Variants in RANBP2 observed in about 807,000 individuals in gnomAD.
RANBP2 encodes the protein RAN binding protein 2.
RANBP2 carries 57 observed loss-of-function variants against 303.6 expected under a neutral mutation model. The observed-to-expected ratio is 0.19, with a 90% CI of 0.15 to 0.23. The LOEUF (loss-of-function observed/expected upper bound fraction) is 0.23. Among genes scored for constraint, RANBP2 ranks in the 10% least tolerant of loss-of-function variants. The pLI is 1.00. For synonymous variants in RANBP2, 1,167 were observed against 1,301.5 expected (o/e 0.90, Z 2.23); for missense variants, 3,138 against 3,780.8 (o/e 0.83, Z 4.46).
the RANBP2 span, chr2:109,593,119 G>C: frequency 2.0e-5 from 32 of 1,590,066 alleles, no homozygotes; most frequent in Non-Finnish European, 2.7e-5. Flanking sequence ...GACTGAAAGA[G>C]CTAAAAAAGG....
the RANBP2 span, among the ~76,000 whole-genome samples, chr2:109,651,289 G>T: frequency 6.6e-6 from 1 of 152,118 alleles, no homozygotes; most frequent in African/African-American, 2.4e-5. Context: ...GCATCCTGTA[G>T]GGCTTGGCTC....
the RANBP2 span, among the ~76,000 whole-genome samples, chr2:109,360,004 C>T: frequency 1.3e-5 from 2 of 151,502 alleles, no homozygotes; most frequent in Non-Finnish European, 2.9e-5. Context: ...CAGAATGTTT[C>T]CTCATCCACA....
At chr2:109,154,907 C>G in the RANBP2 span, among the ~76,000 whole-genome samples, 3 of 152,336 alleles carry the variant, frequency 2.0e-5, no homozygotes, top group South Asian at 6.2e-4. Context: ...CTCAGGTGGC[C>G]TTTGGAGAGT....
chr2:109,129,498 G>A, the RANBP2 span: 5 of 1,495,254 alleles, frequency 3.3e-6, no homozygotes, highest in South Asian at 3.7e-5. Flanking sequence ...CGCCGGCCCC[G>A]GGACCTAGGC....
At chr2:109,294,642 A>G in the RANBP2 span, among the ~76,000 whole-genome samples, 2 of 151,190 alleles carry the variant, frequency 1.3e-5, no homozygotes, top group East Asian at 3.9e-4. Context: ...CTTCCATCTG[A>G]TCATCATAGG....
the RANBP2 span, among the ~76,000 whole-genome samples, chr2:109,215,910 C>T: frequency 6.6e-6 from 1 of 152,156 alleles, no homozygotes; most frequent in African/African-American, 2.4e-5. Context: ...CACAGAGCTG[C>T]GAATGTGGAA....
the RANBP2 span, among the ~76,000 whole-genome samples, chr2:108,891,549 T>C: frequency 6.6e-6 from 1 of 152,208 alleles, no homozygotes; most frequent in Non-Finnish European, 1.5e-5. Context: ...CTTCAGGCCC[T>C]AGTGATGACA....
At chr2:109,509,742 G>A in the RANBP2 span, among the ~76,000 whole-genome samples, 1 of 151,824 alleles carries the variant, frequency 6.6e-6, no homozygotes, top group Non-Finnish European at 1.5e-5. Flanking sequence ...GCCAGATTAG[G>A]CCCACCAATG....
the RANBP2 span, among the ~76,000 whole-genome samples, chr2:109,347,257 A>G: frequency 6.6e-6 from 1 of 152,174 alleles, no homozygotes; most frequent in Non-Finnish European, 1.5e-5. Flanking sequence ...TGAGTAAGAA[A>G]TTCCGAGCCC....
the RANBP2 span, among the ~76,000 whole-genome samples, chr2:109,368,180 T>C: frequency 1.3e-5 from 2 of 152,254 alleles, no homozygotes; most frequent in African/African-American, 4.8e-5. Flanking sequence ...TTTTAAGTCT[T>C]TATACAGTAA....
At chr2:108,736,056 T>G (rs1211328911) in intron 5 of RANBP2, 48 bp from the exon 6 acceptor site, 1 of 1,611,588 alleles carries the variant, frequency 6.2e-7, no homozygotes, top group South Asian at 1.1e-5. Context: ...GATTAATTTC[T>G]TAACATTTGA....
At chr2:109,291,354 A>G in the RANBP2 span, among the ~76,000 whole-genome samples, 32 of 142,454 alleles carry the variant, frequency 2.2e-4, no homozygotes, top group African/African-American at 6.9e-4. Context: ...AGCTGCCTCT[A>G]TTGCTTTTGG....
At chr2:109,581,587 C>A in the RANBP2 span, among the ~76,000 whole-genome samples, 40 of 150,628 alleles carry the variant, frequency 2.7e-4, no homozygotes, top group African/African-American at 9.7e-4. Context: ...TGGGACTGAA[C>A]ACACGGGAAT....
At chr2:109,619,715 G>A in the RANBP2 span, among the ~76,000 whole-genome samples, 3 of 152,112 alleles carry the variant, frequency 2.0e-5, no homozygotes, top group African/African-American at 7.2e-5. Flanking sequence ...TGTCTTAAAA[G>A]GATTTATTAA....
At chr2:109,741,862 AATAAG>A in the RANBP2 span, among the ~76,000 whole-genome samples, 3 of 118,198 alleles carry the variant, frequency 2.5e-5, no homozygotes, top group Non-Finnish European at 3.5e-5. Flanking sequence ...TAGCTAGAAG[AATAAG>A]ATAAGAAGAG....
At chr2:108,787,177 G>C (rs1028959461), downstream of RANBP2, among the ~76,000 whole-genome samples, 1 of 152,198 alleles carries the variant, frequency 6.6e-6, no homozygotes, top group African/African-American at 2.4e-5. Flanking sequence ...GTGCTATTCA[G>C]CTTTTTTTTG....
the RANBP2 span, among the ~76,000 whole-genome samples, chr2:108,900,559 A>AG: frequency 2.9e-5 from 2 of 68,562 alleles, no homozygotes; most frequent in Non-Finnish European, 9.0e-5. Context: ...CCAAAAAAAA[A>AG]GAAAAAAAAA....
chr2:109,461,724 C>T, the RANBP2 span, among the ~76,000 whole-genome samples: 13 of 152,338 alleles, frequency 8.5e-5, no homozygotes, highest in African/African-American at 3.1e-4. Flanking sequence ...CTGTCTGCCA[C>T]AATAGTGCCT....
the RANBP2 span, among the ~76,000 whole-genome samples, chr2:109,174,481 C>CA: frequency 3.3e-5 from 5 of 152,196 alleles, no homozygotes; most frequent in African/African-American, 1.2e-4. Flanking sequence ...AGGCCACACT[C>CA]ACTTGGCTGC....
Sources: gnomAD v4.1 joint callset for allele counts (sites outside exome capture counted in the v4.1 genomes callset) on GRCh38, gnomAD v4.1.1 for gene constraint, MANE v1.5 for transcripts, NCBI Gene and HGNC (gene_info 2026-07-23, HGNC 2026-07-21) for gene names.